PTER: variants seen among roughly 807,000 people sequenced by gnomAD.
The protein encoded by PTER is N-acetyltaurine hydrolase.
Under a neutral mutation model 29.6 loss-of-function variants are expected in PTER, and 38 were observed. The observed-to-expected ratio is 1.28, with a 90% CI of 0.99 to 1.68. The LOEUF (loss-of-function observed/expected upper bound fraction) is 1.68, where lower values mean the gene tolerates loss of function less well. Among genes scored for constraint, PTER ranks in the 40% most tolerant of loss-of-function variants. PTER has a pLI of 0.00. For synonymous variants in PTER, 172 were observed against 154.5 expected, an observed-to-expected ratio of 1.11 and a Z score of -0.84; for missense variants, 482 against 427.8, an observed-to-expected ratio of 1.13 and a Z score of -1.12.
downstream of PTER, among the ~76,000 whole-genome samples, chr10:16,516,842 T>G (rs905044084): frequency 6.6e-6 from 1 of 152,200 alleles, no homozygotes; most frequent in African/African-American, 2.4e-5. Context: ...ACCACCTTTG[T>G]TGGATCAAGC....
In PTER at chr10:16,491,760, A is replaced by G. The variant is rs553136154; in HGVS notation, c.698+5143A>G. Among the ~76,000 whole-genome samples, 21 of 152,274 alleles carry G rather than the reference A, an allele frequency of 1.4e-4. No individual in the cohort carries two copies. The South Asian group carries it at 3.9e-3, about 29-fold the overall frequency. ...CCCTCCAGAATGCTGGGACTCTCCA[A>G]TGGGACTGACCCTCAGTCTTACCTA... On this transcript the variant is annotated intron_variant, in intron 3 of 4. Transcript: ENST00000535784.
At chr10:16,492,975 T>C (rs555866627) in intron 3 of PTER, among the ~76,000 whole-genome samples, 10 of 152,196 alleles carry the variant, frequency 6.6e-5, no homozygotes, top group Admixed American at 1.3e-4. Context: ...TTTTGATATG[T>C]TTTTCATGCT....
chr10:16,510,039 T>G (rs952046753), intron 4 of PTER, among the ~76,000 whole-genome samples: 1 of 152,084 alleles, frequency 6.6e-6, no homozygotes, highest in African/African-American at 2.4e-5. Context: ...TTTCAAATAA[T>G]CAGCCTCTGG....
intron 1 of PTER, among the ~76,000 whole-genome samples, chr10:16,463,414 T>A (rs1310561950): frequency 6.6e-6 from 1 of 152,108 alleles, no homozygotes; most frequent in East Asian, 1.9e-4. Flanking sequence ...TATTTTCTTT[T>A]TTTTGTTGTT....
At chr10:16,493,482 G>C in intron 3 of PTER, among the ~76,000 whole-genome samples, 1 of 151,954 alleles carries the variant, frequency 6.6e-6, no homozygotes, top group East Asian at 1.9e-4. Context: ...TGTTTCCCAA[G>C]TTAATTTTGA....
At chr10:16,468,276 A>G (rs561381948) in intron 1 of PTER, among the ~76,000 whole-genome samples, 2 of 152,134 alleles carry the variant, frequency 1.3e-5, no homozygotes, top group South Asian at 4.2e-4. Context: ...AGGGAGGCAG[A>G]GGTTGCAGTG....
chr10:16,463,693 G>C (rs1434356011), intron 1 of PTER, among the ~76,000 whole-genome samples: 2 of 152,210 alleles, frequency 1.3e-5, no homozygotes, highest in Admixed American at 6.5e-5. Context: ...TGGGATTACA[G>C]GCGTGAGCCA....
chr10:16,477,506 A>G (rs2133433161), intron 1 of PTER, among the ~76,000 whole-genome samples: 1 of 152,298 alleles, frequency 6.6e-6, no homozygotes, highest in South Asian at 2.1e-4. Context: ...TCCATTGTGC[A>G]AGTATAGCTT....
intron 3 of PTER, among the ~76,000 whole-genome samples, chr10:16,504,778 C>A (rs1211821033): frequency 6.6e-6 from 1 of 152,190 alleles, no homozygotes; most frequent in Non-Finnish European, 1.5e-5. Flanking sequence ...TAAACTAAGT[C>A]TGTAGTACCC....
In PTER at chr10:16,498,497, C is replaced by T. The variant is rs1344894727; in HGVS notation, c.699-6523C>T. On this transcript the variant is annotated intron_variant, in intron 3 of 4. Coordinates refer to ENST00000535784, the MANE Select transcript of PTER (RefSeq NM_001261836.2). ...ACTCGGGAGGCTGAGGCAGGAGAAT[C>T]GCTTGAACCCAGGAGATGAAAGCTG... Among the ~76,000 whole-genome samples the T allele has an allele frequency of 3.3e-5, 5 of 152,124 alleles. No individual in the cohort carries two copies. The East Asian group carries it at 9.6e-4, about 29-fold the overall frequency.
Position 16,486,357 on chromosome 10 carries a change from C to T in PTER, c.438C>T (p.Thr146=), listed in dbSNP as rs991604409. ...TCCTTCTCACTCTTCCTTAGCTTACCGATGTCCTTATGAATGAAATTCTCC... is the reference window on the plus strand; with the variant it reads ...TCCTTCTCACTCTTCCTTAGCTTACTGATGTCCTTATGAATGAAATTCTCC... ...ETRAMSVEQL[T]DVLMNEILHG... is the part of the protein sequence containing the mutation. Residue 146 remains threonine, a synonymous_variant, in exon 3 of 5, where the codon ACC becomes ACT. Coordinates refer to ENST00000535784, the MANE Select transcript of PTER (RefSeq NM_001261836.2). 7.4e-6 allele frequency: 12 copies of T among 1,612,688 alleles called. No homozygotes were observed. Among genetic ancestry groups the T allele is most frequent in the East Asian group, 2.2e-5 (1 of 44,862 alleles).
chr10:16,462,228 C>CA (rs1221139551), intron 1 of PTER, among the ~76,000 whole-genome samples: 1 of 152,124 alleles, frequency 6.6e-6, no homozygotes, highest in African/African-American at 2.4e-5. Flanking sequence ...TCAAGCAATC[C>CA]ACCCGCCTCG....
intron 1 of PTER, among the ~76,000 whole-genome samples, chr10:16,476,863 T>C (rs1835284768): frequency 6.6e-6 from 1 of 151,012 alleles, no homozygotes; most frequent in Non-Finnish European, 1.5e-5. Flanking sequence ...GTGCCTGGCA[T>C]TGGGGTTTTA....
rs749891960 is a variant in PTER at position 16,484,544 on chromosome 10, A to G, written c.160A>G (p.Met54Val). The change falls in exon 2 of 5, where the codon ATG (methionine) becomes GTG (valine). Residue 54 changes from methionine to valine, a missense_variant. Coordinates refer to ENST00000535784, the MANE Select transcript of PTER (RefSeq NM_001261836.2). ...AGCTATTTCCAAAGAACCTATCGTGATGAAAAATTTATATTGGATTCAGAA... is the reference window on the plus strand; with the variant it reads ...AGCTATTTCCAAAGAACCTATCGTGGTGAAAAATTTATATTGGATTCAGAA... ...QEAISKEPIV[M>V]KNLYWIQKNA... 3.7e-6 allele frequency: 6 copies of G among 1,614,028 alleles called. No individual in the cohort carries two copies. The highest frequency in any genetic ancestry group is 5.1e-6 in the Non-Finnish European group (6 of 1,180,032).
At chr10:16,480,791 T>C (rs2000202) in intron 1 of PTER, among the ~76,000 whole-genome samples, 67,720 of 152,096 alleles carry the variant, frequency 0.45, 15,320 homozygotes, top group Middle Eastern at 0.66. Flanking sequence ...AAACTAAAAT[T>C]GCCCCCAAAC....
Position 16,499,010 on chromosome 10 carries a change from G to A in PTER, c.699-6010G>A, listed in dbSNP as rs567128991. 9.3e-4 allele frequency among the ~76,000 whole-genome samples: 142 copies of A among 152,302 alleles called. 1 individual carries two copies. The highest frequency in any genetic ancestry group is 3.2e-3 in the African/African-American group (131 of 41,558). Reference sequence around the variant, plus strand: ...GGAGGAGGAACGGAGTTGCCCTGGTGCCTGGGTGTTCTTACCCCTGGAGGG... The same window carrying A: ...GGAGGAGGAACGGAGTTGCCCTGGTACCTGGGTGTTCTTACCCCTGGAGGG... On this transcript the variant is annotated intron_variant, in intron 3 of 4. Transcript: ENST00000535784.
At chr10:16,510,931 T>C in intron 4 of PTER, 115 bp from the exon 5 acceptor site, 1 of 813,588 alleles carries the variant, frequency 1.2e-6, no homozygotes, top group East Asian at 2.7e-5. Context: ...CACGCCACAG[T>C]AGAAGTCAGT....
chr10:16,495,721 G>A (rs1730723945), intron 3 of PTER, among the ~76,000 whole-genome samples: 2 of 152,106 alleles, frequency 1.3e-5, no homozygotes, highest in South Asian at 4.1e-4. Context: ...ACTTGCCCAA[G>A]GAATTCACAG....
In PTER at chr10:16,511,195, C is replaced by T. The variant is rs1836797903; in HGVS notation, c.989C>T (p.Thr330Ile). Residue 330 changes from threonine to isoleucine, a missense_variant, in exon 5 of 5, where the codon ACT (threonine) becomes ATT (isoleucine). Thr to Ile is a moderately conservative substitution (Grantham distance 89, BLOSUM62 -1). Transcript: ENST00000535784. ...VVPKMLLRGI[T>I]ENVLDKILIE... is the part of the protein sequence containing the mutation. Reference sequence around the variant, plus strand: ...CCTAAAATGTTGCTGAGAGGCATAACTGAGAATGTGCTTGATAAGATTCTA... The same window carrying T: ...CCTAAAATGTTGCTGAGAGGCATAATTGAGAATGTGCTTGATAAGATTCTA... 1 of 1,614,102 alleles carries T rather than the reference C, an allele frequency of 6.2e-7. No individual in the cohort carries two copies. Among genetic ancestry groups the T allele is most frequent in the Non-Finnish European group, 8.5e-7 (1 of 1,179,978 alleles).
Sources: allele counts gnomAD v4.1 joint callset (sites outside exome capture counted in the v4.1 genomes callset), GRCh38; gene constraint gnomAD v4.1.1; transcripts MANE v1.5; gene names NCBI Gene and HGNC (gene_info 2026-07-23, HGNC 2026-07-21).